Variants in MAN1A2 observed in about 807,000 individuals in gnomAD.
MAN1A2 encodes mannosidase alpha class 1A member 2, also known as mannosyl-oligosaccharide 1,2-alpha-mannosidase IB.
In MAN1A2, 26 loss-of-function variants were observed where a neutral mutation model predicts 75.7. The ratio of observed to expected loss-of-function variants is 0.34; its 90% CI spans 0.25 to 0.48. The LOEUF (loss-of-function observed/expected upper bound fraction) is 0.48. MAN1A2 is among the 20% of genes least tolerant of loss of function. The pLI, the probability that MAN1A2 is intolerant of heterozygous loss-of-function variation, is 0.99. For synonymous variants in MAN1A2, 247 were observed against 264.6 expected (o/e 0.93, Z 0.65); for missense variants, 562 against 775.5 (o/e 0.72, Z 3.27).
chr1:117,497,437 A>G (rs183516950), intron 10 of MAN1A2, among the ~76,000 whole-genome samples: 16 of 152,098 alleles, frequency 1.1e-4, no homozygotes, highest in East Asian at 3.9e-4. Flanking sequence ...TAGTTTTTCA[A>G]TTAGTTCACC....
chr1:117,387,180 T>G (rs901513087), intron 1 of MAN1A2, among the ~76,000 whole-genome samples: 1 of 106,616 alleles, frequency 9.4e-6, no homozygotes, highest in African/African-American at 3.8e-5. Flanking sequence ...AAAACCACAA[T>G]AAGATAACCC....
intron 8 of MAN1A2, among the ~76,000 whole-genome samples, chr1:117,487,705 T>TA (rs1250162773): frequency 6.6e-6 from 1 of 152,028 alleles, no homozygotes; most frequent in Non-Finnish European, 1.5e-5. Flanking sequence ...AGTTAAAATG[T>TA]AAAATCACTG....
intron 12 of MAN1A2, among the ~76,000 whole-genome samples, chr1:117,513,190 C>T (rs1015412959): frequency 4.6e-5 from 7 of 151,904 alleles, no homozygotes; most frequent in Admixed American, 1.3e-4. Context: ...TTGAATCATG[C>T]AGTATTAGGG....
intron 9 of MAN1A2, among the ~76,000 whole-genome samples, chr1:117,495,856 G>A (rs1463751543): frequency 6.6e-6 from 1 of 151,832 alleles, no homozygotes; most frequent in Non-Finnish European, 1.5e-5. Context: ...ATAATCCAAA[G>A]ATAATTATCA....
chr1:117,449,081 C>T (rs1649325618), intron 6 of MAN1A2, among the ~76,000 whole-genome samples: 1 of 152,094 alleles, frequency 6.6e-6, no homozygotes, highest in African/African-American at 2.4e-5. Flanking sequence ...TAGATGATGG[C>T]AAACTTAATC....
At position 117,367,569 on chromosome 1, in the gene MAN1A2, C is replaced by G. The variant is rs1652806831; in HGVS notation, c.-615C>G. On this transcript the variant is annotated 5_prime_UTR_variant, in exon 1 of 13. Coordinates refer to ENST00000356554, the MANE Select transcript of MAN1A2 (RefSeq NM_006699.5). ...GCAGCAGCGGGACTCAGCCGGGCGC[C>G]AGGTTCCTGCCAGGCAGCGCCGGGA... 1 of 152,342 alleles carries G rather than the reference C, an allele frequency of 6.6e-6. No homozygotes were observed. Among genetic ancestry groups the G allele is most frequent in the African/African-American group, 2.4e-5 (1 of 41,442 alleles). 9.4% of individuals were successfully genotyped at this position (152,342 alleles called of 1,614,324 possible). A position where few individuals can be genotyped will look rare whatever the true frequency, so the allele number is the denominator to read the frequency against.
intron 5 of MAN1A2, among the ~76,000 whole-genome samples, chr1:117,425,821 A>G (rs1448221889): frequency 6.6e-6 from 1 of 152,186 alleles, no homozygotes; most frequent in African/African-American, 2.4e-5. Context: ...CATTGCTACC[A>G]CTTTTACCTT....
chr1:117,463,035 C>T (rs892703694), intron 7 of MAN1A2, among the ~76,000 whole-genome samples: 1 of 151,700 alleles, frequency 6.6e-6, no homozygotes, highest in South Asian at 2.1e-4. Flanking sequence ...GAAGAATTTT[C>T]AGGAAAATGG....
intron 9 of MAN1A2, 26 bp downstream of exon 9, chr1:117,493,288 A>T (rs1436667595): frequency 2.8e-6 from 4 of 1,413,214 alleles, no homozygotes; most frequent in Non-Finnish European, 4.0e-6. Context: ...ACATTTTTCT[A>T]CTTAATGGAT....
chr1:117,458,521 ATAT>A (rs1478174513), intron 6 of MAN1A2, among the ~76,000 whole-genome samples: 3 of 94,336 alleles, frequency 3.2e-5, no homozygotes, highest in Admixed American at 2.1e-4. Context: ...AGATATATAT[ATAT>A]TTTTTTTTTT....
chr1:117,498,565 A>G (rs901912766), intron 10 of MAN1A2, among the ~76,000 whole-genome samples: 1 of 151,870 alleles, frequency 6.6e-6, no homozygotes, highest in African/African-American at 2.4e-5. Flanking sequence ...TCTGATTTTA[A>G]TGTTTCATAA....
intron 3 of MAN1A2, among the ~76,000 whole-genome samples, chr1:117,407,637 CTAGT>C (rs1218834396): frequency 5.3e-5 from 8 of 152,262 alleles, no homozygotes; most frequent in African/African-American, 1.9e-4. Context: ...TGACTTCTGT[CTAGT>C]TAGTTCTTGG....
rs772130248 is a variant in MAN1A2, at chr1:117,368,225, A to G, written c.42A>G (p.Ile14Met). Reference protein sequence around the residue: ...PALLPLSGRRIPPLNLGPPSF... With the variant: ...PALLPLSGRRMPPLNLGPPSF... ...TGCTGCCCCTCTCTGGACGTAGGATACCACCTCTGAACCTGGGGCCGCCTT... is the reference window on the plus strand; with the variant it reads ...TGCTGCCCCTCTCTGGACGTAGGATGCCACCTCTGAACCTGGGGCCGCCTT... The change falls in exon 1 of 13, where the codon ATA becomes ATG. Residue 14 changes from isoleucine (I) to methionine (M), a missense_variant. Physicochemically the swap from Ile to Met is conservative, Grantham distance 10. Around this residue, in one of 2 missense-constraint regions of MAN1A2, gnomAD observed 128 missense variants for 129.8 expected, o/e 0.99. Coordinates refer to ENST00000356554, the MANE Select transcript of MAN1A2 (RefSeq NM_006699.5). The G allele has an allele frequency of 1.4e-5, 22 of 1,613,910 alleles. No homozygotes were observed. The highest frequency in any genetic ancestry group is 1.8e-5 in the Non-Finnish European group (21 of 1,180,006).
intron 6 of MAN1A2, among the ~76,000 whole-genome samples, chr1:117,443,463 A>G (rs1269027537): frequency 2.6e-5 from 4 of 152,128 alleles, no homozygotes; most frequent in Non-Finnish European, 5.9e-5. Flanking sequence ...AGATTTTGTG[A>G]TATTTCCTTC....
At chr1:117,421,898 C>A (rs186365909) in intron 5 of MAN1A2, among the ~76,000 whole-genome samples, 4 of 152,102 alleles carry the variant, frequency 2.6e-5, no homozygotes, top group Non-Finnish European at 2.9e-5. Flanking sequence ...GCCCAAAGGA[C>A]CGATTCAGTG....
rs556438994 is a variant in MAN1A2, at chr1:117,368,301, C to T, written c.118C>T (p.Leu40Phe). The change falls in exon 1 of 13, where the codon CTC becomes TTC. Residue 40 changes from leucine (L) to phenylalanine (F), a missense_variant. Leu to Phe is a conservative substitution (Grantham distance 22, BLOSUM62 0). Around this residue, in one of 2 missense-constraint regions of MAN1A2, gnomAD observed 128 missense variants for 129.8 expected, o/e 0.99. Coordinates refer to ENST00000356554, the MANE Select transcript of MAN1A2 (RefSeq NM_006699.5). The stretch of plus-strand genomic sequence containing the variant: ...GAGACTTTCTGAGAAGTTTATTCTT[C>T]TCCTTATTCTTAGTGCCTTCATCAC... ...TLRLSEKFIL[L>F]LILSAFITLC... The T allele has an allele frequency of 6.2e-7, 1 of 1,614,166 alleles. No homozygotes were observed. Among genetic ancestry groups the T allele is most frequent in the South Asian group, 1.1e-5 (1 of 91,086 alleles).
chr1:117,526,880 C>CTCTCTCTCTATATATATATATATATA lies in MAN1A2; in HGVS notation c.*3924_*3925insCTCTCTCTATATATATATATATATAT. On this transcript the variant is annotated 3_prime_UTR_variant, in exon 13 of 13. Coordinates refer to ENST00000356554, the MANE Select transcript of MAN1A2 (RefSeq NM_006699.5). ...TCTCTCTCTCTCTCTCTCTCTCTCT[C>CTCTCTCTCTATATATATATATATATA]TATATATATATATATATATATATAT... 4 of 54,516 alleles carry CTCTCTCTCTATATATATATATATATA rather than the reference C, an allele frequency of 7.3e-5. No homozygotes were observed. Among genetic ancestry groups the CTCTCTCTCTATATATATATATATATA allele is most frequent in the Admixed American group, 4.8e-4 (2 of 4,176 alleles). The allele number at this position is 54,516 out of a possible 1,614,324, so 3.4% of individuals were successfully genotyped here. A position where few individuals can be genotyped will look rare whatever the true frequency, so the allele number is the denominator to read the frequency against.
At chr1:117,433,874 T>TA (rs1648761420) in intron 5 of MAN1A2, among the ~76,000 whole-genome samples, 1 of 152,192 alleles carries the variant, frequency 6.6e-6, no homozygotes, top group Non-Finnish European at 1.5e-5. Context: ...AACTTCCCCT[T>TA]ACCTAACCTA....
chr1:117,432,599 G>T (rs548005096), intron 5 of MAN1A2, among the ~76,000 whole-genome samples: 1 of 152,130 alleles, frequency 6.6e-6, no homozygotes, highest in South Asian at 2.1e-4. Context: ...GCCATTTGTA[G>T]TATTAATTGA....
Sources: gnomAD v4.1 joint callset for allele counts (sites outside exome capture counted in the v4.1 genomes callset) on GRCh38, gnomAD v4.1.1 for gene constraint, gnomAD v4.1.1 regional missense constraint, MANE v1.5 for transcripts, NCBI Gene and HGNC (gene_info 2026-07-23, HGNC 2026-07-21) for gene names.